Variants in RPL28 observed in about 807,000 individuals in gnomAD.
The protein encoded by RPL28 is large ribosomal subunit protein eL28.
Under a neutral mutation model 12.5 loss-of-function variants are expected in RPL28, and 4 were observed. The ratio of observed to expected loss-of-function variants is 0.32; its 90% CI spans 0.16 to 0.73. The LOEUF (loss-of-function observed/expected upper bound fraction) is 0.73, where lower values mean the gene tolerates loss of function less well. Among genes scored for constraint, RPL28 ranks in the 30% least tolerant of loss-of-function variants. RPL28 has a pLI of 0.66. For missense variants in RPL28, 214 were observed against 197.7 expected (o/e 1.08, Z -0.49); for synonymous variants, 91 against 72.5 (o/e 1.26, Z -1.30).
At position 55,388,963 on chromosome 19, in the gene RPL28, C is replaced by G; in HGVS notation, c.*631C>G. On this transcript the variant is annotated 3_prime_UTR_variant, in exon 5 of 5. Coordinates refer to ENST00000344063, the MANE Select transcript of RPL28 (RefSeq NM_000991.5). ...CATTGAGCAGCCTTAGCATTGTCCC[C>G]CTACTCCCGTCCTCCAGGTGTCCCC... 4.1e-6 allele frequency: 4 copies of G among 985,502 alleles called. No individual in the cohort carries two copies. Among genetic ancestry groups the G allele is most frequent in the South Asian group, 4.7e-5 (1 of 21,290 alleles). The allele number at this position is 985,502 out of a possible 1,614,324, so 61.0% of individuals were successfully genotyped here.
rs935858727 is a variant in RPL28 at position 55,387,186 on chromosome 19, C to T, written c.205+493C>T. The T allele has an allele frequency of 2.9e-6, 4 of 1,366,610 alleles. No homozygotes were observed. In the African/African-American group the frequency reaches 4.4e-5, roughly 15 times the overall value. 84.7% of individuals were successfully genotyped at this position (1,366,610 alleles called of 1,614,324 possible). A position where few individuals can be genotyped will look rare whatever the true frequency, so the allele number is the denominator to read the frequency against. On this transcript the variant is annotated intron_variant, in intron 3 of 4. Coordinates refer to ENST00000344063, the MANE Select transcript of RPL28 (RefSeq NM_000991.5). The stretch of plus-strand genomic sequence containing the variant: ...ATACATTGTGCTGTCAGGTGCAGGC[C>T]TTTTTGGGGATTCCCTGAATGTTCG...
At chr19:55,397,084 T>G (rs1456983317), downstream of RPL28, among the ~76,000 whole-genome samples, 1 of 151,908 alleles carries the variant, frequency 6.6e-6, no homozygotes, top group African/African-American at 2.4e-5. Context: ...TTCGCCATGT[T>G]GCCCAGGCTG....
intron 3 of RPL28, chr19:55,387,637 T>C (rs945941506): frequency 2.7e-5 from 38 of 1,393,698 alleles, no homozygotes; most frequent in Middle Eastern, 2.7e-4. Context: ...TGGCTGGACC[T>C]GGATCAGATC....
downstream of RPL28, among the ~76,000 whole-genome samples, chr19:55,396,850 G>GATT (rs2090028074): frequency 6.6e-6 from 1 of 151,622 alleles, no homozygotes; most frequent in Non-Finnish European, 1.5e-5. Context: ...AAAGTGCTGG[G>GATT]ATTACAGGTG....
At chr19:55,388,186 TA>T (rs1456252142) in intron 4 of RPL28, 56 bp from the exon 5 acceptor site, 1 of 1,518,064 alleles carries the variant, frequency 6.6e-7, no homozygotes, top group Non-Finnish European at 8.9e-7. Flanking sequence ...AGCATTGGCC[TA>T]GGGGGCGGCT....
Position 55,390,006 on chromosome 19 carries a change from G to C in RPL28, c.*1674G>C, listed in dbSNP as rs375302086. Reference sequence around the variant, plus strand: ...TCACGTTAGTAGATGGCCCCTTCTCGTGAGGCCTCTCCCCTGGCACCTGCT... The same window carrying C: ...TCACGTTAGTAGATGGCCCCTTCTCCTGAGGCCTCTCCCCTGGCACCTGCT... On this transcript the variant is annotated 3_prime_UTR_variant, in exon 5 of 5. Coordinates refer to ENST00000344063, the MANE Select transcript of RPL28 (RefSeq NM_000991.5). The C allele has an allele frequency of 4.5e-5, 44 of 985,456 alleles. No individual in the cohort carries two copies. In the South Asian group the frequency reaches 1.5e-3, roughly 34 times the overall value. 61.0% of individuals were successfully genotyped at this position (985,456 alleles called of 1,614,324 possible). A position where few individuals can be genotyped will look rare whatever the true frequency, so the allele number is the denominator to read the frequency against.
At chr19:55,401,475 C>T in intron 4 of RPL28, 1 of 1,608,058 alleles carries the variant, frequency 6.2e-7, no homozygotes, top group Non-Finnish European at 8.5e-7. Context: ...CCGTCTTTTT[C>T]TTGGCCGCCA....
Position 55,391,436 on chromosome 19 carries a change from T to C in RPL28, c.*3104T>C. ...AGCTCTTAGTCCAGTAGCTGCATGG[T>C]GAGTGAGCGTAGGGCGCACCCTGGA... is the stretch of plus-strand genomic sequence containing the variant. On this transcript the variant is annotated 3_prime_UTR_variant, in exon 5 of 5. Transcript: ENST00000344063. 1 of 1,319,446 alleles carries C rather than the reference T, an allele frequency of 7.6e-7. No individual in the cohort carries two copies. The highest frequency in any genetic ancestry group is 9.7e-7 in the Non-Finnish European group (1 of 1,028,584). The allele number at this position is 1,319,446 out of a possible 1,614,324, so 81.7% of individuals were successfully genotyped here.
At position 55,391,403 on chromosome 19, in the gene RPL28, GTC is replaced by G. The variant is rs2089988600; in HGVS notation, c.*3076_*3077del. On this transcript the variant is annotated 3_prime_UTR_variant, in exon 5 of 5. Coordinates refer to ENST00000344063, the MANE Select transcript of RPL28 (RefSeq NM_000991.5). Reference sequence around the variant, plus strand: ...GGCAGGTGTCTCAGTGTTCACTGCTGTCTCTCCAGCTCTTAGTCCAGTAGCTG... The same window carrying G: ...GGCAGGTGTCTCAGTGTTCACTGCTGTCTCCAGCTCTTAGTCCAGTAGCTG... The G allele has an allele frequency of 2.3e-6, 3 of 1,286,422 alleles. No homozygotes were observed. The highest frequency in any genetic ancestry group is 3.6e-5 in the Admixed American group (1 of 27,592). The allele number at this position is 1,286,422 out of a possible 1,614,324, so 79.7% of individuals were successfully genotyped here.
chr19:55,397,031 C>A (rs1362440126), downstream of RPL28, among the ~76,000 whole-genome samples: 1 of 152,042 alleles, frequency 6.6e-6, no homozygotes, highest in Non-Finnish European at 1.5e-5. Context: ...AGGTGCACAC[C>A]ACAGCGTCCA....
chr19:55,390,487 T>G lies in RPL28; in HGVS notation c.*2155T>G, dbSNP rs1410703776. 1.0e-6 allele frequency: 1 copy of G among 985,344 alleles called. No individual in the cohort carries two copies. The highest frequency in any genetic ancestry group is 4.7e-5 in the South Asian group (1 of 21,300). The allele number at this position is 985,344 out of a possible 1,614,324, so 61.0% of individuals were successfully genotyped here. A position where few individuals can be genotyped will look rare whatever the true frequency, so the allele number is the denominator to read the frequency against. The stretch of plus-strand genomic sequence containing the variant: ...CCCAAAGTGCTGGCATTACAGGCGC[T>G]CGAGGCTTTCTGATGTGGCTGCTGC... On this transcript the variant is annotated 3_prime_UTR_variant, in exon 5 of 5. Coordinates refer to ENST00000344063, the MANE Select transcript of RPL28 (RefSeq NM_000991.5).
downstream of RPL28, chr19:55,403,257 T>C: frequency 1.7e-6 from 1 of 579,158 alleles, no homozygotes; most frequent in South Asian, 2.2e-5. Flanking sequence ...ACTTTGGAAC[T>C]GAGTTTTACG....
rs527338259 is a variant in RPL28 at position 55,391,445 on chromosome 19, G to A, written c.*3113G>A. 1.9e-5 allele frequency: 26 copies of A among 1,345,814 alleles called. No homozygotes were observed. The highest frequency in any genetic ancestry group is 1.3e-4 in the African/African-American group (9 of 67,268). 83.4% of individuals were successfully genotyped at this position (1,345,814 alleles called of 1,614,324 possible). A position where few individuals can be genotyped will look rare whatever the true frequency, so the allele number is the denominator to read the frequency against. ...TCCAGTAGCTGCATGGTGAGTGAGCGTAGGGCGCACCCTGGAAGGCTGCCA... is the reference window on the plus strand; with the variant it reads ...TCCAGTAGCTGCATGGTGAGTGAGCATAGGGCGCACCCTGGAAGGCTGCCA... On this transcript the variant is annotated 3_prime_UTR_variant, in exon 5 of 5. Transcript: ENST00000344063.
chr19:55,401,258 T>C, intron 4 of RPL28: 1 of 751,978 alleles, frequency 1.3e-6, no homozygotes, highest in South Asian at 1.9e-5. Flanking sequence ...GCAGCGGTCC[T>C]GGGGCATCTG....
At chr19:55,400,505 G>C (rs2090049341) in intron 4 of RPL28, 1 of 152,156 alleles carries the variant, frequency 6.6e-6, no homozygotes, top group East Asian at 1.9e-4. Context: ...TATCTGGATG[G>C]GCCTGACCTA....
chr19:55,395,767 A>C (rs2090019112), downstream of RPL28, among the ~76,000 whole-genome samples: 1 of 152,126 alleles, frequency 6.6e-6, no homozygotes, highest in Non-Finnish European at 1.5e-5. Context: ...TAAAGATAAA[A>C]ATTTCTATAA....
At position 55,388,054 on chromosome 19, in the gene RPL28, C is replaced by T. The variant is rs773783828; in HGVS notation, c.324+6C>T. 1.9e-6 allele frequency: 3 copies of T among 1,613,728 alleles called. No individual in the cohort carries two copies. Among genetic ancestry groups the T allele is most frequent in the Non-Finnish European group, 2.5e-6 (3 of 1,179,854 alleles). Reference sequence around the variant, plus strand: ...ACCGCCCCGACCTGCGCATGGTGAGCTGGGGTTTGGGGATCAGGCTTGGGG... The same window carrying T: ...ACCGCCCCGACCTGCGCATGGTGAGTTGGGGTTTGGGGATCAGGCTTGGGG... On this transcript the variant is annotated splice_donor_region_variant and intron_variant, in intron 4 of 4. Coordinates refer to ENST00000344063, the MANE Select transcript of RPL28 (RefSeq NM_000991.5).
At chr19:55,387,058 C>G (rs1004715375) in intron 3 of RPL28, 18 of 1,432,032 alleles carry the variant, frequency 1.3e-5, no homozygotes, top group Non-Finnish European at 1.6e-5. Flanking sequence ...GGGGAGGGGC[C>G]CTCGCTACCA....
intron 1 of RPL28, 159 bp from the exon 2 acceptor site, chr19:55,386,191 C>A: frequency 1.5e-6 from 1 of 663,724 alleles, no homozygotes; most frequent in Non-Finnish European, 2.6e-6. Flanking sequence ...CACTCAGTCC[C>A]GCCTGACAAG....
Sources: allele counts gnomAD v4.1 joint callset (sites outside exome capture counted in the v4.1 genomes callset), GRCh38; gene constraint gnomAD v4.1.1; transcripts MANE v1.5; gene names NCBI Gene and HGNC (gene_info 2026-07-23, HGNC 2026-07-21).